The following MSI2 variants were observed in gnomAD, a reference collection of about 807,000 sequenced individuals.
The protein encoded by MSI2 is musashi RNA binding protein 2.
Under a neutral mutation model 45.6 loss-of-function variants are expected in MSI2, and 17 were observed. The observed-to-expected ratio is 0.37, with a 90% CI of 0.26 to 0.56. MSI2 has a LOEUF of 0.56. Ranked by LOEUF, MSI2 falls within the 20% of genes least tolerant of loss-of-function variation. The pLI, the probability that MSI2 is intolerant of heterozygous loss-of-function variation, is 0.77. For missense variants in MSI2, 293 were observed against 444.2 expected (o/e 0.66, Z 3.06); for synonymous variants, 156 against 158.2 (o/e 0.99, Z 0.11).
At chr17:57,399,609 T>C (rs2083952057) in intron 5 of MSI2, among the ~76,000 whole-genome samples, 1 of 150,984 alleles carries the variant, frequency 6.6e-6, no homozygotes, top group African/African-American at 2.4e-5. Flanking sequence ...GAGCTCCAAG[T>C]TTGGGGTCAA....
At chr17:57,354,076 T>A (rs792381) in intron 5 of MSI2, among the ~76,000 whole-genome samples, 5,048 of 152,284 alleles carry the variant, frequency 0.033, 294 homozygotes, top group African/African-American at 0.12. Context: ...AAGAATGGAT[T>A]TTGTTTCAGG....
At chr17:57,637,996 C>A (rs1231527271) in intron 10 of MSI2, among the ~76,000 whole-genome samples, 1 of 152,238 alleles carries the variant, frequency 6.6e-6, no homozygotes, top group Non-Finnish European at 1.5e-5. Context: ...TTTCTTCAAG[C>A]CCTTCAGTTT....
At chr17:57,463,990 C>CGTGTGT (rs58522672) in intron 6 of MSI2, among the ~76,000 whole-genome samples, 92 of 146,386 alleles carry the variant, frequency 6.3e-4, no homozygotes, top group African/African-American at 1.5e-3. Context: ...GTTTAATGAA[C>CGTGTGT]GTGTGTGTGT....
At chr17:57,351,405 A>G (rs1035757958) in intron 5 of MSI2, among the ~76,000 whole-genome samples, 1 of 152,134 alleles carries the variant, frequency 6.6e-6, no homozygotes, top group African/African-American at 2.4e-5. Flanking sequence ...GCCACCACAA[A>G]TAAATACACC....
intron 6 of MSI2, among the ~76,000 whole-genome samples, chr17:57,480,825 C>T (rs560559688): frequency 1.6e-4 from 24 of 152,182 alleles, no homozygotes; most frequent in Non-Finnish European, 2.6e-4. Flanking sequence ...AGTCACAGAA[C>T]CATGGTTCCT....
intron 5 of MSI2, chr17:57,263,882 T>G (rs1428889226): frequency 6.6e-6 from 1 of 152,230 alleles, no homozygotes; most frequent in East Asian, 1.9e-4. Flanking sequence ...AGAACATCTT[T>G]CCATGAATTC....
intron 1 of MSI2, 21 bp from the exon 2 acceptor site, chr17:57,257,077 T>C: frequency 2.6e-6 from 4 of 1,566,454 alleles, no homozygotes; most frequent in Non-Finnish European, 3.5e-6. Flanking sequence ...TGCTCACTTC[T>C]GTTATGTTTT....
At chr17:57,367,727 A>G (rs2143940086) in intron 5 of MSI2, among the ~76,000 whole-genome samples, 1 of 152,310 alleles carries the variant, frequency 6.6e-6, no homozygotes. Context: ...AATAAATGTC[A>G]TGAGTGCTCA....
chr17:57,341,734 C>T (rs941778418), intron 5 of MSI2, among the ~76,000 whole-genome samples: 1 of 152,084 alleles, frequency 6.6e-6, no homozygotes, highest in South Asian at 2.1e-4. Context: ...TTTTGGATAA[C>T]GGCAAAATCA....
At chr17:57,299,243 T>C (rs1406293596) in intron 5 of MSI2, among the ~76,000 whole-genome samples, 1 of 152,268 alleles carries the variant, frequency 6.6e-6, no homozygotes, top group Non-Finnish European at 1.5e-5. Context: ...GCAATAAGGC[T>C]GTCTTGCTTT....
chr17:57,492,745 T>C (rs2085900169), intron 6 of MSI2, among the ~76,000 whole-genome samples: 1 of 152,130 alleles, frequency 6.6e-6, no homozygotes, highest in Non-Finnish European at 1.5e-5. Flanking sequence ...TACAAGCACC[T>C]ACCACCACAC....
At chr17:57,691,203 CTATCTATCT>C in the MSI2 span, among the ~76,000 whole-genome samples, 3,497 of 72,230 alleles carry the variant, frequency 0.048, 55 homozygotes, top group Non-Finnish European at 0.059. Flanking sequence ...TCTCTCTCAT[CTATCTATCT>C]ATCTATCTAT....
intron 5 of MSI2, among the ~76,000 whole-genome samples, chr17:57,340,989 T>C (rs1298420210): frequency 6.6e-6 from 1 of 152,192 alleles, no homozygotes; most frequent in Non-Finnish European, 1.5e-5. Flanking sequence ...TCCCCCGGTA[T>C]CCATTCTGTC....
the MSI2 span, among the ~76,000 whole-genome samples, chr17:57,695,574 G>A: frequency 6.7e-3 from 1,025 of 152,126 alleles, 12 homozygotes; most frequent in African/African-American, 0.023. Flanking sequence ...TATAGGCACC[G>A]TCTCTTCTGG....
At chr17:57,530,277 C>CA (rs1480281989) in intron 7 of MSI2, among the ~76,000 whole-genome samples, 9 of 152,068 alleles carry the variant, frequency 5.9e-5, no homozygotes, top group Non-Finnish European at 1.0e-4. Flanking sequence ...ATCCACTTTA[C>CA]AAAAAATGGG....
intron 6 of MSI2, among the ~76,000 whole-genome samples, chr17:57,498,524 A>C (rs1376401968): frequency 6.6e-6 from 1 of 152,220 alleles, no homozygotes; most frequent in Non-Finnish European, 1.5e-5. Context: ...CTCCGACCCC[A>C]GTACCAAAAT....
Position 57,258,370 on chromosome 17 carries a change from T to C in MSI2, c.270+16T>C. The C allele has an allele frequency of 8.1e-6, 13 of 1,607,042 alleles. No individual in the cohort carries two copies. Among genetic ancestry groups the C allele is most frequent in the Non-Finnish European group, 1.1e-5 (13 of 1,173,498 alleles). ...TTCCAAGACGGTAGGTTGCTTTTTG[T>C]TGTTGTTGTTCGCCCCTTTTCAGGA... is the stretch of plus-strand genomic sequence containing the variant. On this transcript the variant is annotated intron_variant, in intron 4 of 13. Coordinates refer to ENST00000284073, the MANE Select transcript of MSI2 (RefSeq NM_138962.4).
rs985780579 is a variant in MSI2 at position 57,648,210 on chromosome 17, G to A, written c.728-3889G>A. On this transcript the variant is annotated intron_variant, in intron 10 of 13. Transcript: ENST00000284073. ...GTAGTGACAGGGTTTTCCCATGTTG[G>A]CCAGGCTGGTCTTGAACTCCTGACC... is the stretch of plus-strand genomic sequence containing the variant. Among the ~76,000 whole-genome samples, 6 of 149,686 alleles carry A rather than the reference G, an allele frequency of 4.0e-5. 1 individual carries two copies. The Middle Eastern group carries it at 0.014, about 354-fold the overall frequency.
At chr17:57,384,469 T>C (rs145702953) in intron 5 of MSI2, among the ~76,000 whole-genome samples, 39 of 152,282 alleles carry the variant, frequency 2.6e-4, no homozygotes, top group Non-Finnish European at 5.1e-4. Flanking sequence ...GCTCCAAGTG[T>C]AAGTGTTCTA....
Sources: gnomAD v4.1 joint callset for allele counts (sites outside exome capture counted in the v4.1 genomes callset) on GRCh38, gnomAD v4.1.1 for gene constraint, MANE v1.5 for transcripts, NCBI Gene and HGNC (gene_info 2026-07-23, HGNC 2026-07-21) for gene names.